The following MOB1A variants were observed in gnomAD, a reference collection of about 807,000 sequenced individuals.
MOB1A encodes the protein MOB1 Mps One Binder homolog A.
Under a neutral mutation model 25.1 loss-of-function variants are expected in MOB1A, and 10 were observed. That is an observed-to-expected ratio of 0.40 (90% confidence interval 0.25 to 0.68). The LOEUF is 0.68. Ranked by LOEUF, MOB1A falls within the 30% of genes least tolerant of loss-of-function variation. The pLI, the probability that MOB1A is intolerant of heterozygous loss-of-function variation, is 0.40. For synonymous variants in MOB1A, 81 were observed against 79.5 expected (o/e 1.02, Z -0.10); for missense variants, 177 against 256.3 (o/e 0.69, Z 2.11).
At chr2:74,176,855 C>G (rs1483215576) in intron 1 of MOB1A, among the ~76,000 whole-genome samples, 1 of 151,816 alleles carries the variant, frequency 6.6e-6, no homozygotes, top group Non-Finnish European at 1.5e-5. Context: ...TAAAATGGTG[C>G]AGCACTTTGA....
chr2:74,154,459 T>C lies in MOB1A; in HGVS notation c.*2109A>G, dbSNP rs940101482. On this transcript the variant is annotated 3_prime_UTR_variant, in exon 6 of 6. Coordinates refer to ENST00000396049, the MANE Select transcript of MOB1A (RefSeq NM_018221.5). ...TCAAAATACCAACACATCTCTGATT[T>C]ATGTCCCATTTATAAGCTGCCTTTA... 4 of 152,232 alleles carry C rather than the reference T, an allele frequency of 2.6e-5. No individual in the cohort carries two copies. Among genetic ancestry groups the C allele is most frequent in the Admixed American group, 6.5e-5 (1 of 15,282 alleles). 9.4% of individuals were successfully genotyped at this position (152,232 alleles called of 1,614,324 possible).
intron 1 of MOB1A, among the ~76,000 whole-genome samples, chr2:74,174,970 G>A (rs1468333327): frequency 6.6e-6 from 1 of 152,208 alleles, no homozygotes; most frequent in Non-Finnish European, 1.5e-5. Context: ...ATGTGGACTA[G>A]GGTAGGGGCC....
intron 1 of MOB1A, among the ~76,000 whole-genome samples, chr2:74,173,375 GGTTT>G (rs757143997): frequency 9.1e-6 from 1 of 110,256 alleles, no homozygotes. Context: ...CCTCAATTTC[GGTTT>G]TTTTTTTTTT....
intron 2 of MOB1A, 121 bp downstream of exon 2, chr2:74,172,465 A>G (rs1693319989): frequency 1.1e-6 from 1 of 949,280 alleles, no homozygotes; most frequent in African/African-American, 1.7e-5. Context: ...TTTGTACTTA[A>G]TGTTTCTTTA....
chr2:74,159,954 C>T (rs1326374661), intron 4 of MOB1A, among the ~76,000 whole-genome samples: 2 of 151,878 alleles, frequency 1.3e-5, no homozygotes, highest in African/African-American at 4.8e-5. Context: ...GTAGCTGGGA[C>T]TACAGGCGTG....
chr2:74,167,348 C>G (rs1406391281), intron 2 of MOB1A, among the ~76,000 whole-genome samples: 1 of 152,142 alleles, frequency 6.6e-6, no homozygotes, highest in Non-Finnish European at 1.5e-5. Flanking sequence ...CGGGTTCAAG[C>G]AATTCTCCTG....
intron 2 of MOB1A, among the ~76,000 whole-genome samples, chr2:74,169,610 TTTTTTTGTA>T (rs2103727901): frequency 6.6e-6 from 1 of 152,212 alleles, no homozygotes; most frequent in South Asian, 2.1e-4. Context: ...TCTCAATAAT[TTTTTTTGTA>T]TTTTTTGTAT....
intron 1 of MOB1A, among the ~76,000 whole-genome samples, chr2:74,176,030 G>A (rs541973351): frequency 9.3e-5 from 14 of 150,494 alleles, no homozygotes; most frequent in Non-Finnish European, 1.2e-4. Flanking sequence ...TGGATCACTT[G>A]AGGTCAGGAG....
chr2:74,163,502 G>C (rs1218484002), intron 4 of MOB1A, among the ~76,000 whole-genome samples: 1 of 152,048 alleles, frequency 6.6e-6, no homozygotes, highest in Non-Finnish European at 1.5e-5. Context: ...GCCAGGTGTA[G>C]TGGTGCGTGC....
intron 3 of MOB1A, among the ~76,000 whole-genome samples, chr2:74,165,814 G>A (rs555531196): frequency 7.6e-4 from 116 of 152,290 alleles, no homozygotes; most frequent in African/African-American, 2.6e-3. Context: ...TACCTTTGCC[G>A]AGCTAGAAGG....
intron 1 of MOB1A, chr2:74,178,328 C>G: frequency 4.4e-6 from 1 of 225,690 alleles, no homozygotes; most frequent in Non-Finnish European, 8.7e-6. Context: ...TTTCTAGAAG[C>G]TCGAGACAAG....
At chr2:74,177,490 A>C (rs1035710352) in intron 1 of MOB1A, among the ~76,000 whole-genome samples, 3 of 152,240 alleles carry the variant, frequency 2.0e-5, no homozygotes, top group African/African-American at 7.2e-5. Flanking sequence ...AATCTAAATC[A>C]TACAGGCTTT....
At chr2:74,178,529 C>G in intron 1 of MOB1A, 132 bp downstream of exon 1, 1 of 572,394 alleles carries the variant, frequency 1.7e-6, no homozygotes, top group South Asian at 5.6e-5. Context: ...CGGACCCGAA[C>G]AGAGGCAAAA....
chr2:74,161,648 CAAAA>C (rs775202170), intron 4 of MOB1A, among the ~76,000 whole-genome samples: 1 of 102,036 alleles, frequency 9.8e-6, no homozygotes, highest in African/African-American at 3.7e-5. Context: ...GACTCCGCCT[CAAAA>C]AAAAAAAAAA....
chr2:74,173,296 A>G lies in MOB1A; in HGVS notation c.15-544T>C, dbSNP rs144553664. The G allele has an allele frequency of 2.3e-3, 1,091 of 472,626 alleles. 4 individuals carry two copies. Among genetic ancestry groups the G allele is most frequent in the Non-Finnish European group, 3.8e-3 (901 of 236,116 alleles). The allele number at this position is 472,626 out of a possible 1,614,324, so 29.3% of individuals were successfully genotyped here. Reference sequence around the variant, plus strand: ...CCTCTGAAGAAGTCTGGTACAGAGAAACATCCTGGATTTTAGTTCTTGATC... The same window carrying G: ...CCTCTGAAGAAGTCTGGTACAGAGAGACATCCTGGATTTTAGTTCTTGATC... On this transcript the variant is annotated intron_variant, in intron 1 of 5. Coordinates refer to ENST00000396049, the MANE Select transcript of MOB1A (RefSeq NM_018221.5).
At chr2:74,160,402 C>T (rs1334496875) in intron 4 of MOB1A, among the ~76,000 whole-genome samples, 1 of 152,140 alleles carries the variant, frequency 6.6e-6, no homozygotes, top group Non-Finnish European at 1.5e-5. Context: ...AATAAAAAGG[C>T]AGCCGGGCAC....
chr2:74,175,709 T>C (rs970687776), intron 1 of MOB1A, among the ~76,000 whole-genome samples: 19 of 152,298 alleles, frequency 1.2e-4, no homozygotes, highest in Admixed American at 7.9e-4. Context: ...ATCCATATCA[T>C]GGAATATTGT....
chr2:74,163,123 C>T (rs141854962), intron 4 of MOB1A, among the ~76,000 whole-genome samples: 15 of 152,246 alleles, frequency 9.9e-5, no homozygotes, highest in African/African-American at 3.6e-4. Flanking sequence ...AGGCAAGAAA[C>T]GGATGTCTGC....
chr2:74,172,127 T>C (rs1693310985), intron 2 of MOB1A, among the ~76,000 whole-genome samples: 1 of 152,126 alleles, frequency 6.6e-6, no homozygotes, highest in Non-Finnish European at 1.5e-5. Context: ...ATCCCTCCAT[T>C]TTCTCCCAAT....
Sources: allele counts gnomAD v4.1 joint callset (sites outside exome capture counted in the v4.1 genomes callset), GRCh38; gene constraint gnomAD v4.1.1; transcripts MANE v1.5; gene names NCBI Gene and HGNC (gene_info 2026-07-23, HGNC 2026-07-21).